TNRC18: variants seen among roughly 807,000 people sequenced by gnomAD.
TNRC18 encodes the protein trinucleotide repeat-containing gene 18 protein.
Under a neutral mutation model 226.7 loss-of-function variants are expected in TNRC18, and 69 were observed. The ratio of observed to expected loss-of-function variants is 0.30; its 90% CI spans 0.25 to 0.37. The LOEUF is 0.37. Among genes scored for constraint, TNRC18 ranks in the 10% least tolerant of loss-of-function variants. TNRC18 has a pLI of 1.00. For synonymous variants in TNRC18, 2,449 were observed against 1,927.6 expected, an observed-to-expected ratio of 1.27 and a Z score of -7.09; for missense variants, 4,754 against 4,256.6, an observed-to-expected ratio of 1.12 and a Z score of -3.25.
chr7:5,313,570 G>A lies in TNRC18; in HGVS notation c.7321C>T (p.Arg2441Trp), dbSNP rs766742692. ...PATRPKPKKARAAEESGAKGP... is the reference protein window; with the variant it reads ...PATRPKPKKAWAAEESGAKGP... ...TTGGCACCCGACTCCTCGGCTGCCC[G>A]CGCCTTCTTGGGCTTGGGGCGTGTG... The change falls in exon 27 of 30, where the codon CGG (arginine) becomes TGG (tryptophan). Residue 2441 changes from arginine (R) to tryptophan (W), a missense_variant. Arg to Trp is a moderately radical substitution (Grantham distance 101). Coordinates refer to ENST00000430969, the MANE Select transcript of TNRC18 (RefSeq NM_001080495.3). 15 of 1,605,062 alleles carry A rather than the reference G, an allele frequency of 9.3e-6. No homozygotes were observed. The highest frequency in any genetic ancestry group is 2.2e-5 in the South Asian group (2 of 90,074).
In TNRC18 at chr7:5,377,238, C is replaced by T. The variant is rs149834170; in HGVS notation, c.2461+133G>A. On this transcript the variant is annotated intron_variant, in intron 7 of 29. Coordinates refer to ENST00000430969, the MANE Select transcript of TNRC18 (RefSeq NM_001080495.3). The surrounding 1 kb of genome is among the most constrained non-coding windows in gnomAD (Gnocchi z 5.8). Reference sequence around the variant, plus strand: ...CAGAGGCCATTATCATTCCTTCTTCCGACGAATGCGGGAGGCAGGCCCAGG... The same window carrying T: ...CAGAGGCCATTATCATTCCTTCTTCTGACGAATGCGGGAGGCAGGCCCAGG... 8.7e-5 allele frequency: 99 copies of T among 1,142,410 alleles called. No individual in the cohort carries two copies. In the East Asian group the frequency reaches 2.4e-3, roughly 27 times the overall value. 70.8% of individuals were successfully genotyped at this position (1,142,410 alleles called of 1,614,324 possible).
intron 2 of TNRC18, chr7:5,420,810 G>C: frequency 2.9e-6 from 2 of 687,806 alleles, no homozygotes; most frequent in South Asian, 1.5e-5. Context: ...GGTGGCTCGG[G>C]CTACCACACC....
intron 11 of TNRC18, among the ~76,000 whole-genome samples, chr7:5,364,156 G>A (rs1350357878): frequency 6.6e-6 from 1 of 152,040 alleles, no homozygotes; most frequent in East Asian, 1.9e-4. Context: ...AAAATTAGCT[G>A]GGCATGGTAA....
chr7:5,352,108 A>G lies in TNRC18; in HGVS notation c.5195-14T>C, dbSNP rs1170116782. The G allele has an allele frequency of 6.3e-7, 1 of 1,584,996 alleles. No individual in the cohort carries two copies. Among genetic ancestry groups the G allele is most frequent in the East Asian group, 2.3e-5 (1 of 44,400 alleles). ...CTGAGTCCGTATCTGCAGTCAAAGTAGTTTTTAATAGAGATAAGTCACAGG... is the reference window on the plus strand; with the variant it reads ...CTGAGTCCGTATCTGCAGTCAAAGTGGTTTTTAATAGAGATAAGTCACAGG... On this transcript the variant is annotated splice_polypyrimidine_tract_variant and intron_variant, in intron 16 of 29. Coordinates refer to ENST00000430969, the MANE Select transcript of TNRC18 (RefSeq NM_001080495.3).
intron 5 of TNRC18, among the ~76,000 whole-genome samples, chr7:5,383,016 T>C (rs1779504434): frequency 6.6e-6 from 1 of 152,168 alleles, no homozygotes; most frequent in Admixed American, 6.5e-5. Flanking sequence ...TGCTTCAGCC[T>C]CCCAGTAGCT....
chr7:5,358,775 C>T (rs201425724), intron 15 of TNRC18, among the ~76,000 whole-genome samples: 8 of 152,130 alleles, frequency 5.3e-5, no homozygotes, highest in African/African-American at 1.4e-4. Flanking sequence ...GATCGTGCCA[C>T]GGCACTCCAG....
At position 5,388,379 on chromosome 7, in the gene TNRC18, G is replaced by A; in HGVS notation, c.1445C>T (p.Pro482Leu). ...PRPCERAPRG[P>L]AGPAAQQAAK... is the part of the protein sequence containing the mutation. ...GGCCTGTTGGGCTGCAGGACCGGCT[G>A]GGCCGCGGGGCGCACGCTCGCAGGG... is the stretch of plus-strand genomic sequence containing the variant. Residue 482 changes from proline to leucine, a missense_variant, in exon 5 of 30, where the codon CCA becomes CTA. Pro to Leu is a moderately conservative substitution (Grantham distance 98). Transcript: ENST00000430969. The A allele has an allele frequency of 6.5e-7, 1 of 1,532,298 alleles. No individual in the cohort carries two copies. The highest frequency in any genetic ancestry group is 8.7e-7 in the Non-Finnish European group (1 of 1,145,470). 94.9% of individuals were successfully genotyped at this position (1,532,298 alleles called of 1,614,324 possible).
Position 5,309,216 on chromosome 7 carries a change from C to G in TNRC18, c.8541G>C (p.Ser2847=), listed in dbSNP as rs373788007. ...YIGRIQSMWE[S]WGNNMVVRVK... is the part of the protein sequence containing the mutation. ...CGCGGACCACCATGTTGTTGCCCCA[C>G]GACTCCCACATGCTCTGGATGCGGC... Residue 2847 remains serine (S), a synonymous_variant, in exon 28 of 30, where the codon TCG becomes TCC. Transcript: ENST00000430969. This position sits in a 1 kb window ranked among gnomAD's most constrained non-coding sequence, Gnocchi z 5.7. 1.9e-6 allele frequency: 3 copies of G among 1,613,690 alleles called. No homozygotes were observed. Among genetic ancestry groups the G allele is most frequent in the Middle Eastern group, 1.7e-4 (1 of 5,890 alleles).
At position 5,313,015 on chromosome 7, in the gene TNRC18, A is replaced by G; in HGVS notation, c.7876T>C (p.Ser2626Pro). The G allele has an allele frequency of 1.2e-6, 1 of 843,774 alleles. No homozygotes were observed. Among genetic ancestry groups the G allele is most frequent in the Non-Finnish European group, 1.9e-6 (1 of 525,506 alleles). 52.3% of individuals were successfully genotyped at this position (843,774 alleles called of 1,614,324 possible). The change falls in exon 27 of 30, where the codon TCC (serine) becomes CCC (proline). Residue 2626 changes from serine (S) to proline (P), a missense_variant. Coordinates refer to ENST00000430969, the MANE Select transcript of TNRC18 (RefSeq NM_001080495.3). ...GAGGAAGAGGAGGATGAGGAGGAGG[A>G]GGAGGAGGAGGAGGAGGATGAGGAG... is the stretch of plus-strand genomic sequence containing the variant. ...SSSSSSSSSS[S>P]SSSSSSSSSS...
At chr7:5,407,807 C>T (rs1359263212) in intron 2 of TNRC18, among the ~76,000 whole-genome samples, 1 of 152,154 alleles carries the variant, frequency 6.6e-6, no homozygotes, top group Non-Finnish European at 1.5e-5. Flanking sequence ...CTGGTTTCCC[C>T]CCTACCGAGA....
intron 2 of TNRC18, among the ~76,000 whole-genome samples, chr7:5,400,603 C>A (rs1781017464): frequency 6.6e-6 from 1 of 151,992 alleles, no homozygotes; most frequent in Non-Finnish European, 1.5e-5. Flanking sequence ...CAGAGTGAGA[C>A]TCTCTCTCAA....
chr7:5,388,488 T>C lies in TNRC18; in HGVS notation c.1336A>G (p.Thr446Ala). ...LKRPPPADAP[T>A]VRATRASPDP... Reference sequence around the variant, plus strand: ...GGGGAGGCGCGTGTGGCCCGCACCGTGGGGGCATCCGCGGGGGGCGGCCGC... The same window carrying C: ...GGGGAGGCGCGTGTGGCCCGCACCGCGGGGGCATCCGCGGGGGGCGGCCGC... Residue 446 changes from threonine (T) to alanine (A), a missense_variant, in exon 5 of 30, where the codon ACG becomes GCG. Physicochemically the swap from Thr to Ala is moderately conservative, Grantham distance 58. Transcript: ENST00000430969. 2.2e-6 allele frequency: 3 copies of C among 1,359,800 alleles called. No homozygotes were observed. Among genetic ancestry groups the C allele is most frequent in the East Asian group, 6.7e-5 (2 of 29,878 alleles). The allele number at this position is 1,359,800 out of a possible 1,614,324, so 84.2% of individuals were successfully genotyped here.
At chr7:5,329,017 AG>A (rs1789231267) in intron 19 of TNRC18, among the ~76,000 whole-genome samples, 1 of 152,114 alleles carries the variant, frequency 6.6e-6, no homozygotes, top group Non-Finnish European at 1.5e-5. Context: ...AAATATTGAT[AG>A]AAGGCCAGGC....
chr7:5,416,524 C>G (rs1480445340), intron 2 of TNRC18, among the ~76,000 whole-genome samples: 1 of 151,912 alleles, frequency 6.6e-6, no homozygotes, highest in Non-Finnish European at 1.5e-5. Flanking sequence ...AGTTTGAGAC[C>G]AGCTGGACAA....
At chr7:5,362,159 G>A (rs927840417) in intron 12 of TNRC18, 126 bp from the exon 13 acceptor site, 20 of 1,159,186 alleles carry the variant, frequency 1.7e-5, no homozygotes, top group African/African-American at 7.7e-5. Flanking sequence ...GAGTCCCACC[G>A]CTGCCACCTC....
intron 2 of TNRC18, among the ~76,000 whole-genome samples, chr7:5,410,083 G>A (rs1469313761): frequency 6.6e-6 from 1 of 151,562 alleles, no homozygotes; most frequent in Admixed American, 6.6e-5. Flanking sequence ...GGCTGAAGCG[G>A]GCAGATCACT....
rs756777114 is a variant in TNRC18 at position 5,315,054 on chromosome 7, C to T, written c.6957G>A (p.Thr2319=). Residue 2319 remains threonine, a synonymous_variant, in exon 26 of 30, where the codon ACG becomes ACA. Coordinates refer to ENST00000430969, the MANE Select transcript of TNRC18 (RefSeq NM_001080495.3). Reference sequence around the variant, plus strand: ...TGGCTCCTGGCTCCTCCGACCCAGCCGTGCCACCATCTTTGCCCTCCCCAG... The same window carrying T: ...TGGCTCCTGGCTCCTCCGACCCAGCTGTGCCACCATCTTTGCCCTCCCCAG... ...KDTGEGKDGG[T]AGSEEPGAKA... 3 of 1,610,548 alleles carry T rather than the reference C, an allele frequency of 1.9e-6. No homozygotes were observed. The highest frequency in any genetic ancestry group is 1.3e-5 in the African/African-American group (1 of 74,820).
At chr7:5,368,697 A>T (rs186721208) in intron 11 of TNRC18, among the ~76,000 whole-genome samples, 1 of 151,898 alleles carries the variant, frequency 6.6e-6, no homozygotes, top group Non-Finnish European at 1.5e-5. Context: ...AATTTAAGTG[A>T]AAAGGGCAGG....
chr7:5,378,951 G>A (rs956612634), intron 5 of TNRC18, among the ~76,000 whole-genome samples: 3 of 151,454 alleles, frequency 2.0e-5, no homozygotes, highest in African/African-American at 4.8e-5. Context: ...TTGGGAGGCC[G>A]GGTGGGGGGG....
Sources: allele counts gnomAD v4.1 joint callset (sites outside exome capture counted in the v4.1 genomes callset), GRCh38; gene constraint gnomAD v4.1.1; non-coding constraint Gnocchi (gnomAD v3.1); transcripts MANE v1.5; gene names NCBI Gene and HGNC (gene_info 2026-07-23, HGNC 2026-07-21).